The following ZNF787 variants were observed in gnomAD, a reference collection of about 807,000 sequenced individuals.
The protein encoded by ZNF787 is TTF-I-interacting peptide 20.
In ZNF787, 7 loss-of-function variants were observed where a neutral mutation model predicts 16.9. The observed-to-expected ratio is 0.42, with a 90% CI of 0.24 to 0.78. The LOEUF (loss-of-function observed/expected upper bound fraction) is 0.78, where lower values mean the gene tolerates loss of function less well. Among genes scored for constraint, ZNF787 ranks in the 30% least tolerant of loss-of-function variants. The pLI, the probability that ZNF787 is intolerant of heterozygous loss-of-function variation, is 0.30. For synonymous variants in ZNF787, 345 were observed against 270.9 expected (o/e 1.27, Z -2.69); for missense variants, 551 against 589.3 (o/e 0.94, Z 0.67).
chr19:56,103,179 C>T lies in ZNF787; in HGVS notation c.39G>A (p.Leu13=). 2.5e-6 allele frequency: 4 copies of T among 1,585,070 alleles called. No individual in the cohort carries two copies. Among genetic ancestry groups the T allele is most frequent in the Non-Finnish European group, 3.4e-6 (4 of 1,164,674 alleles). The change falls in exon 2 of 3, where the codon CTG becomes CTA. Residue 13 remains leucine, a synonymous_variant. Coordinates refer to ENST00000610935, the MANE Select transcript of ZNF787 (RefSeq NM_001002836.4). ...LREEAWSPGP[L]DSEDQQMASH... Reference sequence around the variant, plus strand: ...TGGCCATCTGCTGGTCCTCAGAATCCAGCGGCCCCGGAGACCAGGCTTCTT... The same window carrying T: ...TGGCCATCTGCTGGTCCTCAGAATCTAGCGGCCCCGGAGACCAGGCTTCTT...
intron 1 of ZNF787, among the ~76,000 whole-genome samples, chr19:56,109,226 T>A (rs1481281790): frequency 6.6e-6 from 1 of 152,126 alleles, no homozygotes. Flanking sequence ...GGGCTACGTA[T>A]CGGAACTGGT....
chr19:56,088,261 C>T lies in ZNF787; in HGVS notation c.911G>A (p.Gly304Glu), dbSNP rs1226679866. 4 of 1,438,082 alleles carry T rather than the reference C, an allele frequency of 2.8e-6. No individual in the cohort carries two copies. Among genetic ancestry groups the T allele is most frequent in the Non-Finnish European group, 3.6e-6 (4 of 1,098,856 alleles). 89.1% of individuals were successfully genotyped at this position (1,438,082 alleles called of 1,614,324 possible). The change falls in exon 3 of 3, where the codon GGG (glycine) becomes GAG (glutamate). Residue 304 changes from glycine to glutamate, a missense_variant. Around this residue, in one of 4 missense-constraint regions of ZNF787, gnomAD observed 392 missense variants for 312.7 expected, o/e 1.25. Coordinates refer to ENST00000610935, the MANE Select transcript of ZNF787 (RefSeq NM_001002836.4). This position sits in a 1 kb window ranked among gnomAD's most constrained non-coding sequence, Gnocchi z 8.6. ...GCCCCCCGCCGCCCCGAGCCCGTCCCCGTGCTGGGCCCGCTGGTGCGCCAG... is the reference window on the plus strand; with the variant it reads ...GCCCCCCGCCGCCCCGAGCCCGTCCTCGTGCTGGGCCCGCTGGTGCGCCAG... Reference protein sequence around the residue: ...GLLAHQRAQHGDGLGAAGGEE... With the variant: ...GLLAHQRAQHEDGLGAAGGEE...
At chr19:56,120,650 G>A (rs2030265130) in intron 1 of ZNF787, among the ~76,000 whole-genome samples, 1 of 151,916 alleles carries the variant, frequency 6.6e-6, no homozygotes, top group Admixed American at 6.5e-5. Context: ...TGGGGGGGCC[G>A]AGGGCTGAGA....
intron 2 of ZNF787, among the ~76,000 whole-genome samples, chr19:56,094,473 C>CCT (rs560528634): frequency 2.1e-5 from 3 of 146,162 alleles, no homozygotes; most frequent in Non-Finnish European, 4.5e-5. Flanking sequence ...CACGCCCCGC[C>CCT]TTTTTTTTTT....
chr19:56,095,083 C>T (rs919160246), intron 2 of ZNF787, among the ~76,000 whole-genome samples: 1 of 152,164 alleles, frequency 6.6e-6, no homozygotes, highest in Non-Finnish European at 1.5e-5. Flanking sequence ...CATCGCACTC[C>T]AGCCTCAGTG....
chr19:56,107,025 G>A (rs1269731636), intron 1 of ZNF787, among the ~76,000 whole-genome samples: 2 of 152,182 alleles, frequency 1.3e-5, no homozygotes, highest in Non-Finnish European at 2.9e-5. Flanking sequence ...AACTCGGGAC[G>A]TGCCTGTTTA....
Position 56,088,083 on chromosome 19 carries a change from GTCC to G in ZNF787, c.1086_1088del (p.Glu362del), listed in dbSNP as rs759224048. On this transcript the variant is annotated inframe_deletion, in exon 3 of 3. Coordinates refer to ENST00000610935, the MANE Select transcript of ZNF787 (RefSeq NM_001002836.4). The surrounding 1 kb of genome is among the most constrained non-coding windows in gnomAD (Gnocchi z 8.6). ...GCCCGCCCGCGGCCTCGTCGTCGTCGTCCTCCTCCTCCCCGCCCGCGCGGTAGT... is the reference window on the plus strand; with the variant it reads ...GCCCGCCCGCGGCCTCGTCGTCGTCGTCCTCCTCCCCGCCCGCGCGGTAGT... 52 of 1,490,936 alleles carry G rather than the reference GTCC, an allele frequency of 3.5e-5. No individual in the cohort carries two copies. Among genetic ancestry groups the G allele is most frequent in the Admixed American group, 2.5e-4 (11 of 44,356 alleles). The allele number at this position is 1,490,936 out of a possible 1,614,324, so 92.4% of individuals were successfully genotyped here.
At chr19:56,090,730 G>A (rs544243180) in intron 2 of ZNF787, among the ~76,000 whole-genome samples, 2 of 152,324 alleles carry the variant, frequency 1.3e-5, no homozygotes, top group African/African-American at 4.8e-5. Context: ...GCTGAGGCAG[G>A]AGAATGACTT....
chr19:56,116,155 C>T (rs1327984876), intron 1 of ZNF787, among the ~76,000 whole-genome samples: 1 of 152,098 alleles, frequency 6.6e-6, no homozygotes, highest in African/African-American at 2.4e-5. Flanking sequence ...AAAAATAAAG[C>T]CCCTGGCTGG....
At chr19:56,113,411 C>G (rs1475863688) in intron 1 of ZNF787, among the ~76,000 whole-genome samples, 1 of 152,248 alleles carries the variant, frequency 6.6e-6, no homozygotes, top group East Asian at 1.9e-4. Context: ...ACGCAAAAAT[C>G]TGCACACGAA....
At chr19:56,090,375 A>T (rs1394239211) in intron 2 of ZNF787, among the ~76,000 whole-genome samples, 1 of 152,148 alleles carries the variant, frequency 6.6e-6, no homozygotes, top group Non-Finnish European at 1.5e-5. Flanking sequence ...GCATTAGTAG[A>T]CTGGGTCCAA....
At chr19:56,107,873 CGG>C (rs2029878817) in intron 1 of ZNF787, among the ~76,000 whole-genome samples, 1 of 145,750 alleles carries the variant, frequency 6.9e-6, no homozygotes, top group African/African-American at 2.7e-5. Context: ...CTGGGGGCTG[CGG>C]AAGAGAGAGC....
In ZNF787 at chr19:56,088,354, C is replaced by T; in HGVS notation, c.818G>A (p.Arg273His). 3 of 1,153,628 alleles carry T rather than the reference C, an allele frequency of 2.6e-6. No individual in the cohort carries two copies. The highest frequency in any genetic ancestry group is 3.2e-6 in the Non-Finnish European group (3 of 935,762). The allele number at this position is 1,153,628 out of a possible 1,614,324, so 71.5% of individuals were successfully genotyped here. Reference sequence around the variant, plus strand: ...CACGTACGGCTTGGGGGCCGGGGCGCGCCGCGACCGGGGCCCCGCGGCCTT... The same window carrying T: ...CACGTACGGCTTGGGGGCCGGGGCGTGCCGCGACCGGGGCCCCGCGGCCTT... ...GAKAAGPRSR[R>H]APAPKPYVCL... The change falls in exon 3 of 3, where the codon CGC becomes CAC. Residue 273 changes from arginine (R) to histidine (H), a missense_variant. Transcript: ENST00000610935. This position sits in a 1 kb window ranked among gnomAD's most constrained non-coding sequence, Gnocchi z 8.6.
intron 1 of ZNF787, among the ~76,000 whole-genome samples, chr19:56,109,196 G>C (rs1283840826): frequency 6.6e-6 from 1 of 152,172 alleles, no homozygotes; most frequent in Non-Finnish European, 1.5e-5. Context: ...AGCCTAAAGG[G>C]GTGTCTTGGA....
At chr19:56,107,844 C>G (rs551822477) in intron 1 of ZNF787, among the ~76,000 whole-genome samples, 1 of 142,208 alleles carries the variant, frequency 7.0e-6, no homozygotes, top group South Asian at 2.2e-4. Flanking sequence ...CGGGAGAGGC[C>G]GCTCGAAGGC....
chr19:56,109,968 G>A (rs893008182), intron 1 of ZNF787, among the ~76,000 whole-genome samples: 1 of 152,198 alleles, frequency 6.6e-6, no homozygotes, highest in African/African-American at 2.4e-5. Flanking sequence ...ACCCAAGGAG[G>A]GAAGCCACTG....
chr19:56,103,721 G>A (rs944518229), intron 1 of ZNF787, among the ~76,000 whole-genome samples: 6 of 152,088 alleles, frequency 3.9e-5, no homozygotes, highest in Non-Finnish European at 7.4e-5. Flanking sequence ...CTCTGCACAC[G>A]ACACTCCCAA....
chr19:56,107,855 C>G, intron 1 of ZNF787, among the ~76,000 whole-genome samples: 1 of 145,216 alleles, frequency 6.9e-6, no homozygotes, highest in East Asian at 2.1e-4. Context: ...GCTCGAAGGC[C>G]GGGCATGCTG....
chr19:56,113,537 G>A (rs1388178642), intron 1 of ZNF787, among the ~76,000 whole-genome samples: 1 of 152,224 alleles, frequency 6.6e-6, no homozygotes. Context: ...ATAACCAGGT[G>A]TGAAGTTCAG....
Sources: allele counts gnomAD v4.1 joint callset (sites outside exome capture counted in the v4.1 genomes callset), GRCh38; gene constraint gnomAD v4.1.1; regional missense constraint gnomAD v4.1.1; non-coding constraint Gnocchi (gnomAD v3.1); transcripts MANE v1.5; gene names NCBI Gene and HGNC (gene_info 2026-07-23, HGNC 2026-07-21).